Variants in DCDC1 observed in about 807,000 individuals in gnomAD.
The protein encoded by DCDC1 is doublecortin domain containing 1.
Under a neutral mutation model 178.3 loss-of-function variants are expected in DCDC1, and 200 were observed. The ratio of observed to expected loss-of-function variants is 1.12; its 90% CI spans 1.00 to 1.26. The LOEUF (loss-of-function observed/expected upper bound fraction) is 1.26. DCDC1 is among the 50% of genes most tolerant of loss of function. The probability of loss-of-function intolerance (pLI) is 0.00; values close to 1 mark genes in which losing one functional copy is unlikely to be tolerated. For missense variants in DCDC1, 1,983 were observed against 1,749.2 expected (o/e 1.13, Z -2.38); for synonymous variants, 690 against 604.8 (o/e 1.14, Z -2.07).
chr11:30,877,737 T>C (rs1942268027), intron 38 of DCDC1, among the ~76,000 whole-genome samples: 2 of 152,120 alleles, frequency 1.3e-5, no homozygotes, highest in African/African-American at 4.8e-5. Context: ...AAGCATTGAT[T>C]TGTGTGGCAT....
intron 9 of DCDC1, among the ~76,000 whole-genome samples, chr11:31,156,500 A>C (rs1190536341): frequency 1.3e-5 from 2 of 152,132 alleles, no homozygotes; most frequent in Non-Finnish European, 2.9e-5. Context: ...AGTAAAAAGA[A>C]ACAGGTAAAA....
chr11:31,077,765 G>GA (rs1490092555), intron 18 of DCDC1, 100 bp downstream of exon 18: 1 of 632,904 alleles, frequency 1.6e-6, no homozygotes, highest in South Asian at 1.9e-5. Context: ...CATATATGCA[G>GA]AAAAAGCATT....
At chr11:31,230,323 A>ACAGCATTTATGAC in intron 9 of DCDC1, among the ~76,000 whole-genome samples, 1 of 152,100 alleles carries the variant, frequency 6.6e-6, no homozygotes, top group African/African-American at 2.4e-5. Flanking sequence ...TTTTTTTACA[A>ACAGCATTTATGAC]TAAAAAATAG....
At chr11:31,348,013 T>C (rs1159063091) in intron 1 of DCDC1, among the ~76,000 whole-genome samples, 2 of 152,184 alleles carry the variant, frequency 1.3e-5, no homozygotes, top group East Asian at 1.9e-4. Context: ...TCATAACCCA[T>C]TTATTTTGTC....
chr11:31,316,022 A>G lies in DCDC1; in HGVS notation c.165-8114T>C, dbSNP rs1169272177. 2.2e-3 allele frequency among the ~76,000 whole-genome samples: 167 copies of G among 77,398 alleles called. 1 individual carries two copies. Among genetic ancestry groups the G allele is most frequent in the African/African-American group, 0.016 (150 of 9,582 alleles). The allele number at this position is 77,398 out of a possible 152,430, so 50.8% of individuals were successfully genotyped here. A position where few individuals can be genotyped will look rare whatever the true frequency, so the allele number is the denominator to read the frequency against. ...ATGGCTGCATAGTATTCCACGGTGTATATGTGCCACATTTTCTTAATCCAT... is the reference window on the plus strand; with the variant it reads ...ATGGCTGCATAGTATTCCACGGTGTGTATGTGCCACATTTTCTTAATCCAT... On this transcript the variant is annotated intron_variant, in intron 3 of 38. Coordinates refer to ENST00000684477, the MANE Select transcript of DCDC1 (RefSeq NM_001387274.1).
intron 28 of DCDC1, among the ~76,000 whole-genome samples, chr11:30,910,477 C>T (rs1945365462): frequency 6.6e-6 from 1 of 152,112 alleles, no homozygotes; most frequent in African/African-American, 2.4e-5. Context: ...ATTGCTATGT[C>T]TCAATTTTGG....
chr11:31,280,817 C>G, intron 7 of DCDC1: 1 of 619,278 alleles, frequency 1.6e-6, no homozygotes, highest in East Asian at 3.9e-5. Flanking sequence ...CCAGGTGATG[C>G]CTTTGTTCTT....
chr11:31,294,098 TG>T (rs938911874), intron 6 of DCDC1, among the ~76,000 whole-genome samples: 1 of 152,132 alleles, frequency 6.6e-6, no homozygotes, highest in East Asian at 1.9e-4. Context: ...GGGCGACAAC[TG>T]TAAGGAGGAC....
intron 6 of DCDC1, among the ~76,000 whole-genome samples, chr11:31,299,506 T>C (rs1463614858): frequency 6.6e-6 from 1 of 152,090 alleles, no homozygotes; most frequent in Non-Finnish European, 1.5e-5. Flanking sequence ...CACTTGGGGG[T>C]CCTTTTATAA....
At chr11:31,253,482 T>C (rs1230691117) in intron 8 of DCDC1, among the ~76,000 whole-genome samples, 5 of 151,954 alleles carry the variant, frequency 3.3e-5, no homozygotes, top group Non-Finnish European at 5.9e-5. Context: ...CAAAAAGTTA[T>C]CTTTAGTTAA....
At chr11:31,321,312 G>C (rs1157756003) in intron 3 of DCDC1, among the ~76,000 whole-genome samples, 5 of 114,302 alleles carry the variant, frequency 4.4e-5, no homozygotes, top group Non-Finnish European at 9.0e-5. Context: ...GCGAGATTCC[G>C]TGGGCGTAGG....
rs1555090400 is a variant in DCDC1 at position 31,157,372 on chromosome 11, A to ATATAT, written c.1222-19589_1222-19588insATATA. Among the ~76,000 whole-genome samples the ATATAT allele has an allele frequency of 2.7e-3, 265 of 96,844 alleles. 1 individual carries two copies. The highest frequency in any genetic ancestry group is 3.2e-3 in the Non-Finnish European group (154 of 47,420). The allele number at this position is 96,844 out of a possible 152,430, so 63.5% of individuals were successfully genotyped here. On this transcript the variant is annotated intron_variant, in intron 9 of 38. Transcript: ENST00000684477. Reference sequence around the variant, plus strand: ...CCCTTTCTCAAAAAAAAAAAAAAAAAATATATATATATATACATATATATA... The same window carrying ATATAT: ...CCCTTTCTCAAAAAAAAAAAAAAAAATATATATATATATATATATACATATATATA...
intron 2 of DCDC1, among the ~76,000 whole-genome samples, chr11:31,333,027 T>C (rs1203504095): frequency 1.3e-5 from 2 of 152,230 alleles, no homozygotes; most frequent in Non-Finnish European, 2.9e-5. Context: ...AGTCTCTTTG[T>C]ACGTCTCTAA....
chr11:31,366,871 A>G (rs571322858), intron 1 of DCDC1, among the ~76,000 whole-genome samples: 3 of 152,348 alleles, frequency 2.0e-5, no homozygotes, highest in Non-Finnish European at 4.4e-5. Context: ...AGGAAGGGTA[A>G]GGAAACAATA....
chr11:31,361,688 C>A, intron 1 of DCDC1, among the ~76,000 whole-genome samples: 1 of 152,150 alleles, frequency 6.6e-6, no homozygotes, highest in East Asian at 1.9e-4. Context: ...ACCATGTTGG[C>A]CAGGCTGGTC....
chr11:30,947,769 G>A (rs939810210), intron 21 of DCDC1, among the ~76,000 whole-genome samples: 3 of 151,964 alleles, frequency 2.0e-5, no homozygotes, highest in Admixed American at 6.6e-5. Flanking sequence ...AATCAACAAA[G>A]TAAAGAGACA....
At chr11:31,071,718 T>C (rs1026333933) in intron 18 of DCDC1, among the ~76,000 whole-genome samples, 1 of 152,198 alleles carries the variant, frequency 6.6e-6, no homozygotes, top group African/African-American at 2.4e-5. Flanking sequence ...AAGTGGTGGA[T>C]GCCACTTCCG....
At chr11:31,077,042 A>C (rs1244397987) in intron 18 of DCDC1, among the ~76,000 whole-genome samples, 1 of 152,080 alleles carries the variant, frequency 6.6e-6, no homozygotes, top group Non-Finnish European at 1.5e-5. Flanking sequence ...CACAGTGTGA[A>C]TCTCTACACA....
intron 7 of DCDC1, among the ~76,000 whole-genome samples, chr11:31,268,227 C>T (rs969467213): frequency 6.6e-6 from 1 of 152,116 alleles, no homozygotes; most frequent in Non-Finnish European, 1.5e-5. Flanking sequence ...ATCTAAGTAT[C>T]CTCTAAAGTT....
Sources: gnomAD v4.1 joint callset for allele counts (sites outside exome capture counted in the v4.1 genomes callset) on GRCh38, gnomAD v4.1.1 for gene constraint, MANE v1.5 for transcripts, NCBI Gene and HGNC (gene_info 2026-07-23, HGNC 2026-07-21) for gene names.